RABL2A: variants seen among roughly 807,000 people sequenced by gnomAD.
RABL2A encodes the protein RAB, member of RAS oncogene family like 2A.
Under a neutral mutation model 30.7 loss-of-function variants are expected in RABL2A, and 17 were observed. The observed-to-expected ratio is 0.55, with a 90% CI of 0.38 to 0.83. RABL2A has a LOEUF of 0.83. RABL2A is among the 40% of genes least tolerant of loss of function. The pLI is 0.00. For synonymous variants in RABL2A, 64 were observed against 101.8 expected (o/e 0.63, Z 2.24); for missense variants, 155 against 272.6 (o/e 0.57, Z 3.04).
chr2:113,641,229 T>C (rs1685024807), intron 6 of RABL2A, 124 bp from the exon 7 acceptor site: 1 of 1,517,750 alleles, frequency 6.6e-7, no homozygotes, highest in Middle Eastern at 1.7e-4. Flanking sequence ...CTGAGCTCTT[T>C]CTAGGACATG....
chr2:113,643,011 T>C lies in RABL2A; in HGVS notation c.*882T>C. ...TGTACCCACTCTGTTTCAGGAGCTC[T>C]TCTAGGTAAAGCTGAGATCACAGGA... On this transcript the variant is annotated 3_prime_UTR_variant, in exon 9 of 9. Transcript: ENST00000683472. 2.6e-6 allele frequency: 1 copy of C among 379,906 alleles called. No individual in the cohort carries two copies. The highest frequency in any genetic ancestry group is 2.0e-5 in the South Asian group (1 of 50,518). 23.5% of individuals were successfully genotyped at this position (379,906 alleles called of 1,614,324 possible). A position where few individuals can be genotyped will look rare whatever the true frequency, so the allele number is the denominator to read the frequency against.
At chr2:113,639,515 C>T (rs1369997396) in intron 5 of RABL2A, among the ~76,000 whole-genome samples, 6 of 143,124 alleles carry the variant, frequency 4.2e-5, no homozygotes, top group Admixed American at 2.1e-4. Flanking sequence ...CCAGCTACTC[C>T]GGAGGCTGAG....
At chr2:113,634,398 G>A (rs1681654149) in intron 4 of RABL2A, 166 bp downstream of exon 4, 8 of 847,608 alleles carry the variant, frequency 9.4e-6, no homozygotes, top group Middle Eastern at 3.8e-4. Context: ...AGCCAGGAGG[G>A]TGGAAGGGGG....
At chr2:113,638,361 G>T in intron 5 of RABL2A, 1 of 985,420 alleles carries the variant, frequency 1.0e-6, no homozygotes, top group Non-Finnish European at 1.2e-6. Context: ...GGGTGATTTA[G>T]AAGTGAGGTC....
At chr2:113,637,736 C>T (rs930621124) in intron 5 of RABL2A, 22 of 1,250,196 alleles carry the variant, frequency 1.8e-5, no homozygotes, top group Non-Finnish European at 2.3e-5. Flanking sequence ...GAGCTTGGTC[C>T]TAGCCAGTTT....
In RABL2A at chr2:113,627,273, G is replaced by A. The variant is rs1412579924; in HGVS notation, c.-181G>A. 1 of 139,280 alleles carries A rather than the reference G, an allele frequency of 7.2e-6. No homozygotes were observed. The highest frequency in any genetic ancestry group is 3.0e-5 in the African/African-American group (1 of 33,738). The allele number at this position is 139,280 out of a possible 1,614,324, so 8.6% of individuals were successfully genotyped here. On this transcript the variant is annotated 5_prime_UTR_variant, in exon 1 of 9. Coordinates refer to ENST00000683472, the MANE Select transcript of RABL2A (RefSeq NM_001306158.2). ...GAGGACGCGGGGCGAGCCGGAAGTG[G>A]AGTGCGCTGCGGTGCGAGCTGGGCC...
chr2:113,632,537 A>AT (rs1160384465), intron 2 of RABL2A, among the ~76,000 whole-genome samples: 1 of 152,218 alleles, frequency 6.6e-6, no homozygotes, highest in Non-Finnish European at 1.5e-5. Flanking sequence ...AAGTGCTGGG[A>AT]TTACAGGCGT....
chr2:113,628,485 G>T, intron 1 of RABL2A, 69 bp from the exon 2 acceptor site: 1 of 1,527,896 alleles, frequency 6.5e-7, no homozygotes. Context: ...TCTGGATGGA[G>T]GTACAGCTGG....
Position 113,635,035 on chromosome 2 carries a change from T to A in RABL2A, c.218-16T>A, listed in dbSNP as rs1681994271. ...AATGCACCAGGCATGTAGGTCTGTCTGTGTTCACATTGCAGACTTTTGGGA... is the reference window on the plus strand; with the variant it reads ...AATGCACCAGGCATGTAGGTCTGTCAGTGTTCACATTGCAGACTTTTGGGA... On this transcript the variant is annotated splice_polypyrimidine_tract_variant and intron_variant, in intron 4 of 8. Coordinates refer to ENST00000683472, the MANE Select transcript of RABL2A (RefSeq NM_001306158.2). 1 of 1,614,072 alleles carries A rather than the reference T, an allele frequency of 6.2e-7. No homozygotes were observed. Among genetic ancestry groups the A allele is most frequent in the Non-Finnish European group, 8.5e-7 (1 of 1,180,036 alleles).
chr2:113,639,166 A>G (rs1157946241), intron 5 of RABL2A, among the ~76,000 whole-genome samples: 1 of 151,844 alleles, frequency 6.6e-6, no homozygotes, highest in East Asian at 1.9e-4. Flanking sequence ...ATGTGCCTGT[A>G]GTTCCAGCTA....
rs144735390 is a variant in RABL2A at position 113,633,955 on chromosome 2, C to T, written c.138-198C>T. 5,547 of 1,236,588 alleles carry T rather than the reference C, an allele frequency of 4.5e-3. 29 individuals carry two copies. The highest frequency in any genetic ancestry group is 7.3e-3 in the South Asian group (492 of 67,226). The allele number at this position is 1,236,588 out of a possible 1,614,324, so 76.6% of individuals were successfully genotyped here. A position where few individuals can be genotyped will look rare whatever the true frequency, so the allele number is the denominator to read the frequency against. ...CAGGACACACTCTCATCTCCTCCCA[C>T]CCCTCACCCTTCCATGGAGCTTGTA... On this transcript the variant is annotated intron_variant, in intron 3 of 8. Coordinates refer to ENST00000683472, the MANE Select transcript of RABL2A (RefSeq NM_001306158.2).
chr2:113,636,564 A>C (rs930949118), intron 5 of RABL2A, among the ~76,000 whole-genome samples: 1 of 152,100 alleles, frequency 6.6e-6, no homozygotes, highest in Non-Finnish European at 1.5e-5. Flanking sequence ...GCCCTGGAAT[A>C]TGTGGCATCT....
At chr2:113,627,623 G>A (rs1288570591) in intron 1 of RABL2A, among the ~76,000 whole-genome samples, 3 of 152,224 alleles carry the variant, frequency 2.0e-5, no homozygotes, top group Non-Finnish European at 4.4e-5. Context: ...AGATGGCGAG[G>A]ACATCGACAA....
At chr2:113,632,830 C>T (rs1235866276) in intron 2 of RABL2A, 85 bp from the exon 3 acceptor site, 2 of 1,607,266 alleles carry the variant, frequency 1.2e-6, no homozygotes, top group Non-Finnish European at 1.7e-6. Flanking sequence ...AGGTGGCTTC[C>T]AGGTTGTCAG....
At chr2:113,633,003 C>T (rs1330428635) in intron 3 of RABL2A, 59 bp downstream of exon 3, 1 of 1,612,946 alleles carries the variant, frequency 6.2e-7, no homozygotes, top group Non-Finnish European at 8.5e-7. Context: ...GCTCATGTAT[C>T]AGTGTCCCAC....
intron 2 of RABL2A, among the ~76,000 whole-genome samples, chr2:113,631,420 A>G (rs1680293917): frequency 1.3e-5 from 2 of 152,136 alleles, no homozygotes; most frequent in Admixed American, 6.5e-5. Context: ...ACAAGCAGAA[A>G]GGTCACACCA....
At chr2:113,635,236 AG>A in intron 5 of RABL2A, 106 bp downstream of exon 5, 5 of 1,081,262 alleles carry the variant, frequency 4.6e-6, no homozygotes, top group Non-Finnish European at 5.5e-6. Context: ...GTGTTGTGGG[AG>A]GGGGGCTTAG....
At chr2:113,629,536 A>AT (rs796575829) in intron 2 of RABL2A, among the ~76,000 whole-genome samples, 4,288 of 141,048 alleles carry the variant, frequency 0.03, 77 homozygotes, top group African/African-American at 0.048. Context: ...CTGGTTTAGA[A>AT]TTTTTTTTTT....
intron 5 of RABL2A, among the ~76,000 whole-genome samples, chr2:113,635,818 TTTTCATGG>T (rs1682442311): frequency 6.6e-6 from 1 of 151,742 alleles, no homozygotes; most frequent in Non-Finnish European, 1.5e-5. Context: ...TTAAAAAACA[TTTTCATGG>T]CTGGGCACGG....
Sources: allele counts gnomAD v4.1 joint callset (sites outside exome capture counted in the v4.1 genomes callset), GRCh38; gene constraint gnomAD v4.1.1; transcripts MANE v1.5; gene names NCBI Gene and HGNC (gene_info 2026-07-23, HGNC 2026-07-21).